Variants in MAP3K4 observed in about 807,000 individuals in gnomAD.
The protein encoded by MAP3K4 is mitogen-activated protein kinase kinase kinase 4, also known as MAP three kinase 1.
In MAP3K4, 67 loss-of-function variants were observed where a neutral mutation model predicts 185.6. The observed-to-expected ratio is 0.36, with a 90% CI of 0.30 to 0.44. MAP3K4 has a LOEUF of 0.44. Ranked by LOEUF, MAP3K4 falls within the 20% of genes least tolerant of loss-of-function variation. MAP3K4 has a pLI of 1.00. For synonymous variants in MAP3K4, 702 were observed against 710.4 expected (o/e 0.99, Z 0.19); for missense variants, 1,551 against 1,995.1 (o/e 0.78, Z 4.24).
At position 161,073,145 on chromosome 6, in the gene MAP3K4, A is replaced by G. The variant is rs1374463289; in HGVS notation, c.1951-321A>G. Among the ~76,000 whole-genome samples the G allele has an allele frequency of 2.6e-5, 4 of 152,092 alleles. No homozygotes were observed. The highest frequency in any genetic ancestry group is 9.7e-5 in the African/African-American group (4 of 41,406). ...GTAAATTAGTAGAAAAATTGATTTTATTCTATGGGATTTACTTTCTATATA... is the reference window on the plus strand; with the variant it reads ...GTAAATTAGTAGAAAAATTGATTTTGTTCTATGGGATTTACTTTCTATATA... On this transcript the variant is annotated intron_variant, in intron 4 of 26. Coordinates refer to ENST00000392142, the MANE Select transcript of MAP3K4 (RefSeq NM_005922.4). The surrounding 1 kb of genome is among the most constrained non-coding windows in gnomAD (Gnocchi z 4.2).
At position 161,082,701 on chromosome 6, in the gene MAP3K4, G is replaced by T. The variant is rs1484986170; in HGVS notation, c.2255+1663G>T. ...CACACACTACCTCGACTCTTTTTGG[G>T]TGCCCTTTGAGGGTATATCCAGAAT... On this transcript the variant is annotated intron_variant, in intron 6 of 26. Coordinates refer to ENST00000392142, the MANE Select transcript of MAP3K4 (RefSeq NM_005922.4). The surrounding 1 kb of genome is among the most constrained non-coding windows in gnomAD (Gnocchi z 4.2). Among the ~76,000 whole-genome samples the T allele has an allele frequency of 2.6e-5, 4 of 152,038 alleles. No homozygotes were observed. The highest frequency in any genetic ancestry group is 5.9e-5 in the Non-Finnish European group (4 of 68,016).
chr6:161,106,804 C>T lies in MAP3K4; in HGVS notation c.4048+99C>T. On this transcript the variant is annotated intron_variant, in intron 20 of 26. Transcript: ENST00000392142. This position sits in a 1 kb window ranked among gnomAD's most constrained non-coding sequence, Gnocchi z 4.9. ...AATCCTATAGAGTTGGCCCTTTTTT[C>T]TTGTAGACATAGCAAGTATGCATTG... The T allele has an allele frequency of 3.1e-6, 3 of 953,720 alleles. 1 individual carries two copies. Among genetic ancestry groups the T allele is most frequent in the Admixed American group, 5.6e-5 (2 of 35,784 alleles). The allele number at this position is 953,720 out of a possible 1,614,324, so 59.1% of individuals were successfully genotyped here.
chr6:161,070,926 G>A lies in MAP3K4; in HGVS notation c.1950+76G>A, dbSNP rs1032327551. On this transcript the variant is annotated intron_variant, in intron 4 of 26. Coordinates refer to ENST00000392142, the MANE Select transcript of MAP3K4 (RefSeq NM_005922.4). The surrounding 1 kb of genome is among the most constrained non-coding windows in gnomAD (Gnocchi z 4.5). Reference sequence around the variant, plus strand: ...CAGGCTTATCATTTTTATTTTGAGAGTTCCTTTTTTTTTCTTAATTGTCGC... The same window carrying A: ...CAGGCTTATCATTTTTATTTTGAGAATTCCTTTTTTTTTCTTAATTGTCGC... The A allele has an allele frequency of 2.5e-5, 33 of 1,338,436 alleles. No homozygotes were observed. Among genetic ancestry groups the A allele is most frequent in the Non-Finnish European group, 3.1e-5 (31 of 1,011,412 alleles). 82.9% of individuals were successfully genotyped at this position (1,338,436 alleles called of 1,614,324 possible).
intron 3 of MAP3K4, among the ~76,000 whole-genome samples, chr6:161,052,089 C>T (rs893904080): frequency 7.2e-5 from 11 of 152,134 alleles, no homozygotes; most frequent in Non-Finnish European, 1.5e-4. Context: ...TATAGGAGAG[C>T]AGCACATGAG....
intron 3 of MAP3K4, among the ~76,000 whole-genome samples, chr6:161,058,590 A>G (rs542927543): frequency 1.3e-5 from 2 of 152,288 alleles, no homozygotes; most frequent in South Asian, 4.1e-4. Context: ...TGCTCAGAGT[A>G]ATTATCATCT....
intron 2 of MAP3K4, among the ~76,000 whole-genome samples, chr6:161,039,480 A>G (rs1562027): frequency 0.63 from 94,947 of 151,900 alleles, 30,748 homozygotes; most frequent in Admixed American, 0.73. Flanking sequence ...AGTAGCTACT[A>G]TTGTCATGTA....
chr6:161,107,985 C>A lies in MAP3K4; in HGVS notation c.4119+16C>A, dbSNP rs762857161. On this transcript the variant is annotated intron_variant, in intron 21 of 26. Coordinates refer to ENST00000392142, the MANE Select transcript of MAP3K4 (RefSeq NM_005922.4). This position sits in a 1 kb window ranked among gnomAD's most constrained non-coding sequence, Gnocchi z 6.2. ...CATGAAAGAGGTGAGTCACCTGGCTCCGTGGGGCCTTTGGGCCTGGCGGCT... is the reference window on the plus strand; with the variant it reads ...CATGAAAGAGGTGAGTCACCTGGCTACGTGGGGCCTTTGGGCCTGGCGGCT... 1.2e-6 allele frequency: 2 copies of A among 1,612,694 alleles called. No homozygotes were observed. Among genetic ancestry groups the A allele is most frequent in the African/African-American group, 1.3e-5 (1 of 74,866 alleles).
intron 3 of MAP3K4, among the ~76,000 whole-genome samples, chr6:161,065,887 G>A (rs9355869): frequency 0.67 from 93,284 of 140,008 alleles, 31,989 homozygotes; most frequent in Admixed American, 0.76. Flanking sequence ...GCAGTGAGCC[G>A]AGATCGCGCC....
rs776254717 is a variant in MAP3K4, at chr6:161,087,970, A to G, written c.2823+16A>G. The G allele has an allele frequency of 6.2e-6, 10 of 1,602,278 alleles. No homozygotes were observed. In the African/African-American group the frequency reaches 1.3e-4, roughly 22 times the overall value. ...AAGCATGCAGGTACAGCTCATCTCC[A>G]TCTTTGCAGCAGTGTTACTTCAAGG... is the stretch of plus-strand genomic sequence containing the variant. On this transcript the variant is annotated intron_variant, in intron 10 of 26. Coordinates refer to ENST00000392142, the MANE Select transcript of MAP3K4 (RefSeq NM_005922.4). This position sits in a 1 kb window ranked among gnomAD's most constrained non-coding sequence, Gnocchi z 4.9.
Position 161,070,469 on chromosome 6 carries a change from T to C in MAP3K4, c.1708-139T>C. 1 of 579,980 alleles carries C rather than the reference T, an allele frequency of 1.7e-6. No individual in the cohort carries two copies. The highest frequency in any genetic ancestry group is 2.8e-6 in the Non-Finnish European group (1 of 356,356). The allele number at this position is 579,980 out of a possible 1,614,324, so 35.9% of individuals were successfully genotyped here. On this transcript the variant is annotated intron_variant, in intron 3 of 26. Transcript: ENST00000392142. The surrounding 1 kb of genome is among the most constrained non-coding windows in gnomAD (Gnocchi z 4.5). ...TGAAGTTATTAAATTCATTAAATTA[T>C]TAAATATTCTTTTCCCTGTAAAATT...
chr6:161,080,918 T>C lies in MAP3K4; in HGVS notation c.2135T>C (p.Leu712Pro). The change falls in exon 6 of 27, where the codon CTA (leucine) becomes CCA (proline). Residue 712 changes from leucine (L) to proline (P), a missense_variant. By Grantham distance (98) the Leu-to-Pro change is moderately conservative. This residue lies in a region of MAP3K4 where 130 missense variants were observed against 171.3 expected (regional missense o/e 0.76). Coordinates refer to ENST00000392142, the MANE Select transcript of MAP3K4 (RefSeq NM_005922.4). The surrounding 1 kb of genome is among the most constrained non-coding windows in gnomAD (Gnocchi z 4.8). Reference protein sequence around the residue: ...FDYMRSWIQMLQQLPQASHSL... With the variant: ...FDYMRSWIQMPQQLPQASHSL... The stretch of plus-strand genomic sequence containing the variant: ...TACATGAGAAGCTGGATCCAAATGC[T>C]ACAGCAATTACCTCAAGCATCGCAT... 6.2e-7 allele frequency: 1 copy of C among 1,614,158 alleles called. No homozygotes were observed.
At position 161,063,195 on chromosome 6, in the gene MAP3K4, A is replaced by G. The variant is rs533419009; in HGVS notation, c.1708-7413A>G. 2.6e-5 allele frequency among the ~76,000 whole-genome samples: 4 copies of G among 152,134 alleles called. No individual in the cohort carries two copies. The highest frequency in any genetic ancestry group is 5.9e-5 in the Non-Finnish European group (4 of 67,974). On this transcript the variant is annotated intron_variant, in intron 3 of 26. Transcript: ENST00000392142. This position sits in a 1 kb window ranked among gnomAD's most constrained non-coding sequence, Gnocchi z 5.4. ...ATTAAAAAATTAAATTCTGAGTTCTATCACTGAGGTTTTTTTTCTAATTCT... is the reference window on the plus strand; with the variant it reads ...ATTAAAAAATTAAATTCTGAGTTCTGTCACTGAGGTTTTTTTTCTAATTCT...
intron 1 of MAP3K4, among the ~76,000 whole-genome samples, chr6:161,011,535 A>C (rs1781842013): frequency 6.6e-6 from 1 of 152,146 alleles, no homozygotes; most frequent in Non-Finnish European, 1.5e-5. Context: ...TTTATACTTA[A>C]TTATCTGAAA....
Position 161,101,781 on chromosome 6 carries a change from G to A in MAP3K4, c.3675-111G>A, listed in dbSNP as rs1426065124. ...CATTGCTGGAGGCAGAGTTGTTCCTGGCAGGCAGAGTTGCCCCCAGTTGAG... is the reference window on the plus strand; with the variant it reads ...CATTGCTGGAGGCAGAGTTGTTCCTAGCAGGCAGAGTTGCCCCCAGTTGAG... On this transcript the variant is annotated intron_variant, in intron 17 of 26. Coordinates refer to ENST00000392142, the MANE Select transcript of MAP3K4 (RefSeq NM_005922.4). The surrounding 1 kb of genome is among the most constrained non-coding windows in gnomAD (Gnocchi z 5.1). The A allele has an allele frequency of 4.7e-6, 4 of 843,990 alleles. No homozygotes were observed. The highest frequency in any genetic ancestry group is 7.6e-6 in the Non-Finnish European group (4 of 529,724). The allele number at this position is 843,990 out of a possible 1,614,324, so 52.3% of individuals were successfully genotyped here.
rs554291531 is a variant in MAP3K4 at position 161,053,939 on chromosome 6, C to A, written c.1707+3960C>A. 1.3e-5 allele frequency among the ~76,000 whole-genome samples: 2 copies of A among 151,866 alleles called. No individual in the cohort carries two copies. Among genetic ancestry groups the A allele is most frequent in the Non-Finnish European group, 2.9e-5 (2 of 67,992 alleles). On this transcript the variant is annotated intron_variant, in intron 3 of 26. Transcript: ENST00000392142. This position sits in a 1 kb window ranked among gnomAD's most constrained non-coding sequence, Gnocchi z 4.2. ...TTAAAATATCTGAACTGACAAGGTA[C>A]CACAGATTGTACATAATGCATATTT...
At chr6:161,069,953 A>G (rs1299971296) in intron 3 of MAP3K4, among the ~76,000 whole-genome samples, 1 of 152,022 alleles carries the variant, frequency 6.6e-6, no homozygotes, top group Non-Finnish European at 1.5e-5. Flanking sequence ...AGGTGTAAGG[A>G]ATTTGAGAGG....
At position 161,115,172 on chromosome 6, in the gene MAP3K4, G is replaced by A. The variant is rs1778538168; in HGVS notation, c.4676G>A (p.Gly1559Glu). 6.2e-7 allele frequency: 1 copy of A among 1,613,984 alleles called. No homozygotes were observed. The highest frequency in any genetic ancestry group is 8.5e-7 in the Non-Finnish European group (1 of 1,179,994). The part of the protein sequence containing the change: ...EHNFQIMYKV[G>E]MGHKPPIPER... ...AACTTTCAAATTATGTATAAAGTGG[G>A]GATGGGACATAAGCCACCAATCCCT... The change falls in exon 26 of 27, where the codon GGG (glycine) becomes GAG (glutamate). Residue 1559 changes from glycine to glutamate, a missense_variant. Coordinates refer to ENST00000392142, the MANE Select transcript of MAP3K4 (RefSeq NM_005922.4). This position sits in a 1 kb window ranked among gnomAD's most constrained non-coding sequence, Gnocchi z 6.0.
chr6:161,088,638 C>A lies in MAP3K4; in HGVS notation c.2823+684C>A, dbSNP rs190675160. Among the ~76,000 whole-genome samples, 22 of 152,280 alleles carry A rather than the reference C, an allele frequency of 1.4e-4. 1 individual carries two copies. On this transcript the variant is annotated intron_variant, in intron 10 of 26. Coordinates refer to ENST00000392142, the MANE Select transcript of MAP3K4 (RefSeq NM_005922.4). This position sits in a 1 kb window ranked among gnomAD's most constrained non-coding sequence, Gnocchi z 4.5. Reference sequence around the variant, plus strand: ...AGCCTCCCATCTTTCCAGTTAATACCTTGCCCTGGAAAGCCAGAAGCATTT... The same window carrying A: ...AGCCTCCCATCTTTCCAGTTAATACATTGCCCTGGAAAGCCAGAAGCATTT...
rs1439999633 is a variant in MAP3K4 at position 161,070,719 on chromosome 6, A to T, written c.1819A>T (p.Met607Leu). Residue 607 changes from methionine to leucine, a missense_variant, in exon 4 of 27, where the codon ATG (methionine) becomes TTG (leucine). By Grantham distance (15) the Met-to-Leu change is conservative. Around this residue, in one of 16 missense-constraint regions of MAP3K4, gnomAD observed 86 missense variants for 81.6 expected, o/e 1.05. Coordinates refer to ENST00000392142, the MANE Select transcript of MAP3K4 (RefSeq NM_005922.4). This position sits in a 1 kb window ranked among gnomAD's most constrained non-coding sequence, Gnocchi z 4.5. Reference protein sequence around the residue: ...SAVSWEELKAMDLPSFEPAFL... With the variant: ...SAVSWEELKALDLPSFEPAFL... ...TGTGTCGTGGGAGGAGCTGAAGGCC[A>T]TGGATTTACCTTCATTCGAACCTGC... 2 of 1,614,050 alleles carry T rather than the reference A, an allele frequency of 1.2e-6. No homozygotes were observed. Among genetic ancestry groups the T allele is most frequent in the East Asian group, 4.5e-5 (2 of 44,888 alleles).
Sources: gnomAD v4.1 joint callset for allele counts (sites outside exome capture counted in the v4.1 genomes callset) on GRCh38, gnomAD v4.1.1 for gene constraint, gnomAD v4.1.1 regional missense constraint, Gnocchi (gnomAD v3.1) non-coding constraint, MANE v1.5 for transcripts, NCBI Gene and HGNC (gene_info 2026-07-23, HGNC 2026-07-21) for gene names.